The following RAB27B variants were observed in gnomAD, a reference collection of about 807,000 sequenced individuals.
The protein encoded by RAB27B is ras-related protein Rab-27B.
A neutral mutation model predicts 24.6 loss-of-function variants in RAB27B; 15 were observed. The observed-to-expected ratio is 0.61, with a 90% CI of 0.41 to 0.94. The LOEUF is 0.94. Ranked by LOEUF, RAB27B falls within the 40% of genes least tolerant of loss-of-function variation. The pLI is 0.00. For missense variants in RAB27B, 261 were observed against 266.8 expected (o/e 0.98, Z 0.15); for synonymous variants, 105 against 92.5 (o/e 1.14, Z -0.78).
chr18:54,744,995 C>G (rs1053702695), intron 2 of RAB27B: 10 of 183,178 alleles, frequency 5.5e-5, no homozygotes, highest in Non-Finnish European at 1.0e-4. Context: ...GGAACACTGG[C>G]AAGTGGGCTT....
chr18:54,786,467 A>G (rs538778266), intron 2 of RAB27B, among the ~76,000 whole-genome samples: 1 of 152,334 alleles, frequency 6.6e-6, no homozygotes, highest in African/African-American at 2.4e-5. Context: ...AATCAGCAAT[A>G]AAATAGGACA....
intron 1 of RAB27B, among the ~76,000 whole-genome samples, chr18:54,871,849 C>CAAAAAAAA (rs11388519): frequency 1.2e-5 from 1 of 85,980 alleles, no homozygotes; most frequent in Non-Finnish European, 2.3e-5. Flanking sequence ...GACTCCATCT[C>CAAAAAAAA]AAAAAAAAAA....
intron 2 of RAB27B, among the ~76,000 whole-genome samples, chr18:54,727,009 T>G (rs2144982968): frequency 6.6e-6 from 1 of 152,246 alleles, no homozygotes; most frequent in East Asian, 1.9e-4. Flanking sequence ...TGAGACAGAG[T>G]TTTGCTCCTG....
At chr18:54,781,878 C>T (rs1257553260) in intron 2 of RAB27B, among the ~76,000 whole-genome samples, 3 of 152,094 alleles carry the variant, frequency 2.0e-5, no homozygotes, top group Non-Finnish European at 4.4e-5. Context: ...AAATTTTTTT[C>T]ACACCAAAAA....
intron 1 of RAB27B, among the ~76,000 whole-genome samples, chr18:54,841,798 T>A (rs1911131191): frequency 6.6e-6 from 1 of 152,226 alleles, no homozygotes; most frequent in South Asian, 2.1e-4. Flanking sequence ...AGAGTAATCA[T>A]TAATGCTATA....
At chr18:54,751,326 G>A (rs1907823902) in intron 2 of RAB27B, among the ~76,000 whole-genome samples, 1 of 152,162 alleles carries the variant, frequency 6.6e-6, no homozygotes, top group African/African-American at 2.4e-5. Context: ...GACACCCCAA[G>A]TTCTAGCTTG....
At chr18:54,725,930 A>T (rs1909524436) in intron 2 of RAB27B, among the ~76,000 whole-genome samples, 1 of 151,608 alleles carries the variant, frequency 6.6e-6, no homozygotes, top group Non-Finnish European at 1.5e-5. Flanking sequence ...CTAACTTGTT[A>T]TGGAAATCAT....
intron 2 of RAB27B, among the ~76,000 whole-genome samples, chr18:54,734,966 A>G (rs1338889999): frequency 6.6e-6 from 1 of 152,168 alleles, no homozygotes; most frequent in Non-Finnish European, 1.5e-5. Context: ...TAACACATTA[A>G]TTAATAAGAA....
At chr18:54,734,362 A>G (rs1909826131) in intron 2 of RAB27B, among the ~76,000 whole-genome samples, 7 of 152,168 alleles carry the variant, frequency 4.6e-5, no homozygotes, top group Admixed American at 2.6e-4. Context: ...TGTCTCTTCT[A>G]TGAGACTCTG....
intron 2 of RAB27B, among the ~76,000 whole-genome samples, chr18:54,787,943 A>G (rs1455214773): frequency 6.6e-6 from 1 of 152,220 alleles, no homozygotes; most frequent in Non-Finnish European, 1.5e-5. Context: ...GTTGAAGCAG[A>G]AATATCTGAA....
intron 2 of RAB27B, chr18:54,718,189 T>C (rs1909249311): frequency 6.6e-6 from 1 of 152,144 alleles, no homozygotes. Context: ...GTATTAGTCG[T>C]GTCTCTTGAC....
intron 1 of RAB27B, among the ~76,000 whole-genome samples, chr18:54,846,873 CAG>C (rs1279357066): frequency 1.3e-5 from 2 of 152,098 alleles, no homozygotes; most frequent in African/African-American, 4.8e-5. Flanking sequence ...TGTTTTGAGA[CAG>C]AGTCTCCCTC....
At chr18:54,723,276 G>A (rs1292517197) in intron 2 of RAB27B, among the ~76,000 whole-genome samples, 2 of 152,196 alleles carry the variant, frequency 1.3e-5, no homozygotes, top group Non-Finnish European at 2.9e-5. Flanking sequence ...CGGCTCTGAG[G>A]TGCCCCACCG....
At chr18:54,857,226 AC>A (rs1911819874) in intron 1 of RAB27B, among the ~76,000 whole-genome samples, 1 of 152,174 alleles carries the variant, frequency 6.6e-6, no homozygotes, top group South Asian at 2.1e-4. Context: ...AATTCATTTA[AC>A]AAGTCTAATG....
upstream of RAB27B, among the ~76,000 whole-genome samples, chr18:54,824,600 G>A (rs1400746297): frequency 2.6e-5 from 4 of 152,094 alleles, no homozygotes; most frequent in Non-Finnish European, 5.9e-5. Context: ...AGGATCTCAG[G>A]GGTTATTTTA....
chr18:54,888,096 C>T lies in RAB27B; in HGVS notation c.445C>T (p.Arg149Trp), dbSNP rs1410433534. The T allele has an allele frequency of 1.2e-5, 20 of 1,612,576 alleles. No individual in the cohort carries two copies. The highest frequency in any genetic ancestry group is 1.7e-5 in the Non-Finnish European group (20 of 1,179,162). The change falls in exon 5 of 6, where the codon CGG becomes TGG. Residue 149 changes from arginine (R) to tryptophan (W), a missense_variant. Physicochemically the swap from Arg to Trp is moderately radical, Grantham distance 101. Transcript: ENST00000262094. ...GAGGGAAGTCAATGAACGGCAAGCT[C>T]GGGAACTGGCTGACAAATATGGGTA... ...DQREVNERQA[R>W]ELADKYGIPY...
At chr18:54,729,424 C>A (rs1909660731) in intron 2 of RAB27B, among the ~76,000 whole-genome samples, 1 of 151,962 alleles carries the variant, frequency 6.6e-6, no homozygotes, top group African/African-American at 2.4e-5. Flanking sequence ...TAGAAAGGAG[C>A]CTACATCCTC....
intron 2 of RAB27B, among the ~76,000 whole-genome samples, chr18:54,729,074 T>C (rs1909647590): frequency 6.6e-6 from 1 of 151,868 alleles, no homozygotes; most frequent in African/African-American, 2.4e-5. Context: ...AAGCATAACA[T>C]TGCCTGATGG....
At chr18:54,758,883 C>G (rs556564139) in intron 2 of RAB27B, among the ~76,000 whole-genome samples, 1 of 152,280 alleles carries the variant, frequency 6.6e-6, no homozygotes, top group African/African-American at 2.4e-5. Context: ...TTAACTTGCA[C>G]AATCCTGGGC....
Sources: gnomAD v4.1 joint callset for allele counts (sites outside exome capture counted in the v4.1 genomes callset) on GRCh38, gnomAD v4.1.1 for gene constraint, MANE v1.5 for transcripts, NCBI Gene and HGNC (gene_info 2026-07-23, HGNC 2026-07-21) for gene names.